The following MEMO1 variants were observed in gnomAD, a reference collection of about 807,000 sequenced individuals.
MEMO1 encodes mediator of cell motility 1.
MEMO1 carries 6 observed loss-of-function variants against 45.2 expected under a neutral mutation model. The ratio of observed to expected loss-of-function variants is 0.13; its 90% confidence interval spans 0.07 to 0.26. MEMO1 has a LOEUF of 0.26. Ranked by LOEUF, MEMO1 falls within the 10% of genes least tolerant of loss-of-function variation. The pLI is 1.00. For synonymous variants in MEMO1, 78 were observed against 124.3 expected, an observed-to-expected ratio of 0.63 and a Z score of 2.48; for missense variants, 184 against 370.5, an observed-to-expected ratio of 0.50 and a Z score of 4.13.
chr2:31,962,191 C>T (rs1572823714), intron 2 of MEMO1, among the ~76,000 whole-genome samples: 1 of 152,252 alleles, frequency 6.6e-6, no homozygotes, highest in East Asian at 1.9e-4. Context: ...TCGAGACCAG[C>T]CTGGGCAACA....
intron 6 of MEMO1, among the ~76,000 whole-genome samples, chr2:31,901,883 T>C (rs1299976613): frequency 6.6e-6 from 1 of 151,120 alleles, no homozygotes; most frequent in Non-Finnish European, 1.5e-5. Context: ...CACTCCAGCC[T>C]GGGTGACAGA....
chr2:31,935,572 G>A (rs1465268368), intron 3 of MEMO1, among the ~76,000 whole-genome samples: 1 of 152,054 alleles, frequency 6.6e-6, no homozygotes, highest in African/African-American at 2.4e-5. Context: ...ATCTGTCAGT[G>A]CACTGTGCCT....
At chr2:31,923,165 C>A (rs1356023894) in intron 4 of MEMO1, among the ~76,000 whole-genome samples, 1 of 152,124 alleles carries the variant, frequency 6.6e-6, no homozygotes, top group African/African-American at 2.4e-5. Context: ...ATAACCGCCA[C>A]TCTATTATCA....
At chr2:31,940,587 G>A (rs893125131) in intron 3 of MEMO1, among the ~76,000 whole-genome samples, 17 of 152,192 alleles carry the variant, frequency 1.1e-4, no homozygotes, top group African/African-American at 2.4e-4. Context: ...TTGCCCAAGC[G>A]GGAGTACAGT....
At chr2:31,931,470 AT>A (rs1362174932) in intron 4 of MEMO1, among the ~76,000 whole-genome samples, 1 of 152,170 alleles carries the variant, frequency 6.6e-6, no homozygotes, top group Admixed American at 6.5e-5. Flanking sequence ...ATGAGTGACT[AT>A]TTCCAGCAAA....
Position 31,921,562 on chromosome 2 carries a change from A to G in MEMO1, c.213-652T>C, listed in dbSNP as rs144596868. On this transcript the variant is annotated intron_variant, in intron 4 of 9. Coordinates refer to ENST00000404530, the MANE Select transcript of MEMO1 (RefSeq NM_001301833.4). ...GATGCAACAGGTATTCAGAAGCTGT[A>G]TTTTATTAAATGGATTTTATGCATT... Among the ~76,000 whole-genome samples the G allele has an allele frequency of 1.9e-3, 284 of 152,308 alleles. 2 individuals carry two copies. Among genetic ancestry groups the G allele is most frequent in the African/African-American group, 6.4e-3 (265 of 41,574 alleles).
intron 2 of MEMO1, among the ~76,000 whole-genome samples, chr2:31,994,806 G>A (rs1672372235): frequency 6.6e-6 from 1 of 151,992 alleles, no homozygotes; most frequent in Non-Finnish European, 1.5e-5. Context: ...AAATTAGCCG[G>A]GCATGGTGGT....
intron 3 of MEMO1, among the ~76,000 whole-genome samples, chr2:31,940,042 TC>T (rs149981298): frequency 6.6e-6 from 1 of 152,114 alleles, no homozygotes; most frequent in Non-Finnish European, 1.5e-5. Flanking sequence ...GATCACTTTT[TC>T]CCCCGACACA....
At chr2:31,907,605 G>A (rs1005651384) in intron 6 of MEMO1, among the ~76,000 whole-genome samples, 5 of 152,038 alleles carry the variant, frequency 3.3e-5, no homozygotes, top group African/African-American at 1.2e-4. Flanking sequence ...GATCAGCCTG[G>A]GCAACATGGC....
chr2:31,989,212 G>A (rs1334739932), intron 2 of MEMO1, among the ~76,000 whole-genome samples: 2 of 141,828 alleles, frequency 1.4e-5, no homozygotes, highest in African/African-American at 5.3e-5. Context: ...TGGGCAACAA[G>A]AGCAAAACTC....
chr2:31,911,789 C>T (rs902279724), intron 6 of MEMO1, among the ~76,000 whole-genome samples: 4 of 152,072 alleles, frequency 2.6e-5, no homozygotes, highest in East Asian at 1.9e-4. Context: ...CACAGGTGTG[C>T]ACCACCTCAT....
intron 3 of MEMO1, 138 bp from the exon 4 acceptor site, chr2:31,932,273 AATG>A: frequency 3.1e-6 from 2 of 635,266 alleles, no homozygotes; most frequent in Non-Finnish European, 5.5e-6. Context: ...CAATGTAGTT[AATG>A]ATGTGACTTC....
intron 8 of MEMO1, among the ~76,000 whole-genome samples, chr2:31,880,492 T>G (rs1675201973): frequency 6.6e-6 from 1 of 152,220 alleles, no homozygotes; most frequent in African/African-American, 2.4e-5. Flanking sequence ...ATATTCTATT[T>G]ATACATTCAA....
At chr2:31,876,575 T>C (rs991925843) in intron 8 of MEMO1, among the ~76,000 whole-genome samples, 1 of 152,140 alleles carries the variant, frequency 6.6e-6, no homozygotes, top group Non-Finnish European at 1.5e-5. Flanking sequence ...TACTCAAAAA[T>C]AATTGGCAAA....
At chr2:31,969,331 G>A (rs1039095286) in intron 2 of MEMO1, among the ~76,000 whole-genome samples, 2 of 148,504 alleles carry the variant, frequency 1.3e-5, no homozygotes, top group African/African-American at 2.5e-5. Context: ...TGATATGTGT[G>A]TATATATACA....
chr2:31,987,866 T>G (rs2064813), intron 2 of MEMO1, among the ~76,000 whole-genome samples: 23,783 of 152,138 alleles, frequency 0.16, 2,321 homozygotes, highest in East Asian at 0.39. Context: ...TCTAATTCAG[T>G]AGGTTTCCAA....
chr2:31,869,300 T>C (rs1241631640), intron 9 of MEMO1, among the ~76,000 whole-genome samples: 4 of 152,122 alleles, frequency 2.6e-5, no homozygotes, highest in Non-Finnish European at 4.4e-5. Flanking sequence ...AAGAAATTAA[T>C]AGTTTTCCTA....
At chr2:31,937,884 T>C (rs1307361110) in intron 3 of MEMO1, among the ~76,000 whole-genome samples, 1 of 152,228 alleles carries the variant, frequency 6.6e-6, no homozygotes, top group Non-Finnish European at 1.5e-5. Flanking sequence ...TACAGCTTCA[T>C]TCTAGGGGTT....
At chr2:31,910,883 T>C (rs1680464560) in intron 6 of MEMO1, among the ~76,000 whole-genome samples, 1 of 151,900 alleles carries the variant, frequency 6.6e-6, no homozygotes, top group African/African-American at 2.4e-5. Context: ...ATAAAGAAAG[T>C]TGTAAATTAG....
Sources: allele counts gnomAD v4.1 joint callset (sites outside exome capture counted in the v4.1 genomes callset), GRCh38; gene constraint gnomAD v4.1.1; transcripts MANE v1.5; gene names NCBI Gene and HGNC (gene_info 2026-07-23, HGNC 2026-07-21).